MAP4K4: variants seen among roughly 807,000 people sequenced by gnomAD.
MAP4K4 encodes HPK/GCK-like kinase HGK.
MAP4K4 carries 38 observed loss-of-function variants against 189.6 expected under a neutral mutation model. The ratio of observed to expected loss-of-function variants is 0.20; its 90% confidence interval spans 0.15 to 0.26. The LOEUF is 0.26. Among genes scored for constraint, MAP4K4 ranks in the 10% least tolerant of loss-of-function variants. MAP4K4 has a pLI of 1.00. For missense variants in MAP4K4, 1,054 were observed against 1,726.9 expected (o/e 0.61, Z 6.91); for synonymous variants, 610 against 624.3 (o/e 0.98, Z 0.34).
chr2:101,698,191 C>G lies in MAP4K4; in HGVS notation c.57+54C>G, dbSNP rs1478623095. ...GGAGCGGGCAGCCGGCAGCCGGCAGCCGGGGCCGCGCCCAGGTCGGCCGGG... is the reference window on the plus strand; with the variant it reads ...GGAGCGGGCAGCCGGCAGCCGGCAGGCGGGGCCGCGCCCAGGTCGGCCGGG... On this transcript the variant is annotated intron_variant, in intron 1 of 32. Coordinates refer to ENST00000324219, the Ensembl canonical transcript of MAP4K4. The G allele has an allele frequency of 4.5e-6, 4 of 895,622 alleles. No individual in the cohort carries two copies. The East Asian group carries it at 4.5e-4, about 101-fold the overall frequency. 55.5% of individuals were successfully genotyped at this position (895,622 alleles called of 1,614,324 possible). A position where few individuals can be genotyped will look rare whatever the true frequency, so the allele number is the denominator to read the frequency against.
At chr2:101,710,850 C>T (rs1036356195) in intron 2 of MAP4K4, among the ~76,000 whole-genome samples, 2 of 152,168 alleles carry the variant, frequency 1.3e-5, no homozygotes, top group African/African-American at 4.8e-5. Flanking sequence ...GTTAATACTA[C>T]TTTGAATAAA....
intron 13 of MAP4K4, among the ~76,000 whole-genome samples, chr2:101,858,511 G>GT (rs1186049830): frequency 1.3e-5 from 2 of 152,174 alleles, no homozygotes; most frequent in Non-Finnish European, 2.9e-5. Flanking sequence ...GGAATTGTTA[G>GT]TGAAAGCATG....
chr2:101,766,883 GACTT>G (rs1386130341), intron 2 of MAP4K4, among the ~76,000 whole-genome samples: 2 of 152,302 alleles, frequency 1.3e-5, no homozygotes, highest in East Asian at 1.9e-4. Flanking sequence ...CAAAAGCAGA[GACTT>G]ACTGAAAATG....
intron 12 of MAP4K4, among the ~76,000 whole-genome samples, chr2:101,846,810 T>A (rs62156941): frequency 0.15 from 22,105 of 152,144 alleles, 1,730 homozygotes; most frequent in South Asian, 0.2. Context: ...ATTCCACTGG[T>A]TTGGATTTTT....
chr2:101,741,458 G>A (rs1381822571), intron 2 of MAP4K4, among the ~76,000 whole-genome samples: 1 of 152,046 alleles, frequency 6.6e-6, no homozygotes, highest in Non-Finnish European at 1.5e-5. Context: ...GTGAACCACC[G>A]CACCCGGCCA....
At chr2:101,829,419 G>T (rs2096519045) in intron 5 of MAP4K4, 85 bp from the exon 6 acceptor site, 1 of 854,996 alleles carries the variant, frequency 1.2e-6, no homozygotes, top group Non-Finnish European at 1.9e-6. Context: ...TGGTCCACAT[G>T]TGCACTTTCT....
chr2:101,761,160 ATTTGTGT>A (rs2076207424), intron 2 of MAP4K4, among the ~76,000 whole-genome samples: 2 of 152,212 alleles, frequency 1.3e-5, no homozygotes, highest in African/African-American at 4.8e-5. Context: ...AAAGTGAAAC[ATTTGTGT>A]TTTGTGAAGT....
At chr2:101,869,526 A>AC (rs1414014970) in intron 21 of MAP4K4, 96 bp from the exon 22 acceptor site, 3 of 940,786 alleles carry the variant, frequency 3.2e-6, no homozygotes, top group Non-Finnish European at 3.3e-6. Flanking sequence ...GTCTTACAAA[A>AC]CTGACATTGT....
intron 9 of MAP4K4, among the ~76,000 whole-genome samples, chr2:101,836,831 G>A (rs2096771166): frequency 6.6e-6 from 1 of 152,178 alleles, no homozygotes; most frequent in Non-Finnish European, 1.5e-5. Flanking sequence ...CCCGCAGAGA[G>A]AGAGGAGGAT....
intron 3 of MAP4K4, among the ~76,000 whole-genome samples, chr2:101,794,385 TTTG>T (rs1174482907): frequency 6.6e-6 from 1 of 152,214 alleles, no homozygotes; most frequent in East Asian, 1.9e-4. Flanking sequence ...TCATAAACTC[TTTG>T]AGTGAGGTTT....
At chr2:101,698,068 G>A in exon 1 of MAP4K4, 8 of 1,324,820 alleles carry the variant, frequency 6.0e-6, no homozygotes, top group Admixed American at 2.2e-5. Flanking sequence ...TTTTTTGGTG[G>A]CAAAAAGGGA....
chr2:101,788,337 ACT>A (rs1179437798), intron 2 of MAP4K4, among the ~76,000 whole-genome samples: 2 of 151,886 alleles, frequency 1.3e-5, no homozygotes, highest in Admixed American at 1.3e-4. Context: ...GGCCTTATAG[ACT>A]CTCTGCACTT....
At chr2:101,888,848 C>G in exon 32 of MAP4K4, 1 of 1,613,500 alleles carries the variant, frequency 6.2e-7, no homozygotes, top group Non-Finnish European at 8.5e-7. Context: ...CCATAGAGAT[C>G]CGATCTGTGG....
At chr2:101,885,335 C>T (rs374499764) in intron 29 of MAP4K4, 48 bp downstream of exon 29, 51 of 1,085,100 alleles carry the variant, frequency 4.7e-5, no homozygotes, top group Admixed American at 8.9e-5. Flanking sequence ...ATTCAAGCTG[C>T]AACCAAGAGT....
chr2:101,698,221 C>A, intron 1 of MAP4K4, 84 bp downstream of exon 1: 1 of 561,504 alleles, frequency 1.8e-6, no homozygotes, highest in South Asian at 7.2e-5. Flanking sequence ...GCCGGGCGCT[C>A]GGGCGCCGCC....
chr2:101,794,694 A>G (rs2148872518), intron 3 of MAP4K4, among the ~76,000 whole-genome samples: 1 of 152,334 alleles, frequency 6.6e-6, no homozygotes, highest in East Asian at 1.9e-4. Flanking sequence ...TGCTTGTGCC[A>G]AGAATGTTTT....
chr2:101,703,801 C>T (rs2040419538), intron 2 of MAP4K4, among the ~76,000 whole-genome samples: 1 of 151,862 alleles, frequency 6.6e-6, no homozygotes, highest in East Asian at 2.0e-4. Flanking sequence ...ATAACAAAGT[C>T]AGGAGTTCAA....
chr2:101,777,937 A>G (rs2085152476), intron 2 of MAP4K4, among the ~76,000 whole-genome samples: 1 of 152,140 alleles, frequency 6.6e-6, no homozygotes, highest in Non-Finnish European at 1.5e-5. Flanking sequence ...AGATGATCAG[A>G]ATTTCTTTTT....
chr2:101,705,422 T>C (rs1472608032), intron 2 of MAP4K4, among the ~76,000 whole-genome samples: 2 of 148,880 alleles, frequency 1.3e-5, no homozygotes, highest in African/African-American at 4.9e-5. Flanking sequence ...ACACAATGAA[T>C]GCACTGACAC....
Sources: gnomAD v4.1 joint callset for allele counts (sites outside exome capture counted in the v4.1 genomes callset) on GRCh38, gnomAD v4.1.1 for gene constraint, MANE v1.5 for transcripts, NCBI Gene and HGNC (gene_info 2026-07-23, HGNC 2026-07-21) for gene names.